DPYD: variants seen among roughly 807,000 people sequenced by gnomAD.
DPYD encodes the protein dihydropyrimidine dehydrogenase.
DPYD carries 109 observed loss-of-function variants against 116.2 expected under a neutral mutation model. That is an observed-to-expected ratio of 0.94 (90% CI 0.80 to 1.10). DPYD has a LOEUF of 1.10. Ranked by LOEUF, DPYD falls within the 50% of genes least tolerant of loss-of-function variation. The probability of loss-of-function intolerance (pLI) is 0.00; values close to 1 mark genes in which losing one functional copy is unlikely to be tolerated. For missense variants in DPYD, 1,302 were observed against 1,254.5 expected (o/e 1.04, Z -0.57); for synonymous variants, 440 against 432.0 (o/e 1.02, Z -0.23).
chr1:97,861,577 A>C (rs75641275), intron 2 of DPYD, among the ~76,000 whole-genome samples: 15,959 of 151,958 alleles, frequency 0.11, 1,120 homozygotes, highest in Non-Finnish European at 0.14. Context: ...AATAATAAAA[A>C]GACAATATAA....
chr1:97,193,887 T>C (rs1658563988), intron 19 of DPYD, among the ~76,000 whole-genome samples: 2 of 152,206 alleles, frequency 1.3e-5, no homozygotes, highest in Admixed American at 6.5e-5. Context: ...CATGGCTAAC[T>C]ACCAACCATT....
chr1:97,775,729 C>A (rs1666365769), intron 3 of DPYD, among the ~76,000 whole-genome samples: 1 of 152,054 alleles, frequency 6.6e-6, no homozygotes, highest in African/African-American at 2.4e-5. Flanking sequence ...TTTGTGAGAG[C>A]AGGTGCAATG....
intron 3 of DPYD, among the ~76,000 whole-genome samples, chr1:97,780,325 T>C (rs1449187427): frequency 1.3e-5 from 2 of 152,176 alleles, no homozygotes; most frequent in Admixed American, 1.3e-4. Context: ...GAGAAAAAAG[T>C]TGACAATTCA....
chr1:97,423,886 T>A (rs1674721705), intron 14 of DPYD, among the ~76,000 whole-genome samples: 1 of 152,254 alleles, frequency 6.6e-6, no homozygotes, highest in Admixed American at 6.5e-5. Flanking sequence ...TTGTCATTCA[T>A]CTTTCCACTA....
intron 13 of DPYD, among the ~76,000 whole-genome samples, chr1:97,480,911 C>T (rs756796919): frequency 1.3e-5 from 2 of 151,828 alleles, no homozygotes; most frequent in Non-Finnish European, 2.9e-5. Context: ...ACCCAGGAGG[C>T]GGAGGTTGCA....
At chr1:97,117,385 T>C (rs983257945) in intron 20 of DPYD, among the ~76,000 whole-genome samples, 1 of 152,202 alleles carries the variant, frequency 6.6e-6, no homozygotes, top group African/African-American at 2.4e-5. Flanking sequence ...CAGAACCATA[T>C]GCTAAAGCAA....
chr1:97,350,751 A>T (rs1670095271), intron 16 of DPYD, among the ~76,000 whole-genome samples: 1 of 152,198 alleles, frequency 6.6e-6, no homozygotes. Flanking sequence ...TTTAAAATGT[A>T]ATCATTTACC....
At chr1:97,583,765 T>TA (rs1557816360) in intron 10 of DPYD, among the ~76,000 whole-genome samples, 1 of 147,876 alleles carries the variant, frequency 6.8e-6, no homozygotes, top group African/African-American at 2.7e-5. Flanking sequence ...TGACGCAATA[T>TA]TTTTTTTAAC....
chr1:97,407,077 A>G (rs925809391), intron 14 of DPYD, among the ~76,000 whole-genome samples: 1 of 152,186 alleles, frequency 6.6e-6, no homozygotes, highest in African/African-American at 2.4e-5. Flanking sequence ...TTCCTTTCAG[A>G]GGCTTTAACA....
intron 18 of DPYD, among the ~76,000 whole-genome samples, chr1:97,290,303 A>T (rs1666049354): frequency 6.6e-6 from 1 of 152,000 alleles, no homozygotes; most frequent in Non-Finnish European, 1.5e-5. Flanking sequence ...TCAAGCTACC[A>T]ATGACTTTCT....
intron 15 of DPYD, among the ~76,000 whole-genome samples, chr1:97,375,139 G>A (rs1023592801): frequency 2.0e-5 from 3 of 151,860 alleles, no homozygotes; most frequent in Non-Finnish European, 4.4e-5. Context: ...TTCCAGTGCC[G>A]CGGTTTATTT....
At chr1:97,629,006 C>A (rs1657099917) in intron 8 of DPYD, among the ~76,000 whole-genome samples, 1 of 152,066 alleles carries the variant, frequency 6.6e-6, no homozygotes, top group Non-Finnish European at 1.5e-5. Context: ...TATGATTTAA[C>A]ATGTGCAGCA....
At chr1:97,400,392 A>T (rs1463051604) in intron 14 of DPYD, among the ~76,000 whole-genome samples, 1 of 152,070 alleles carries the variant, frequency 6.6e-6, no homozygotes, top group African/African-American at 2.4e-5. Flanking sequence ...TTCATCACGG[A>T]TATTGGTCTA....
intron 3 of DPYD, among the ~76,000 whole-genome samples, chr1:97,763,448 T>C (rs1291852740): frequency 2.0e-5 from 3 of 151,948 alleles, no homozygotes; most frequent in Non-Finnish European, 2.9e-5. Context: ...TCATTCCCTT[T>C]AGTTTTCTTC....
chr1:97,337,944 C>G (rs1274428296), intron 16 of DPYD, among the ~76,000 whole-genome samples: 1 of 152,156 alleles, frequency 6.6e-6, no homozygotes, highest in Non-Finnish European at 1.5e-5. Context: ...GCCACTAAAT[C>G]TCCCAGGCAG....
chr1:97,386,761 A>G (rs1388025774), intron 14 of DPYD, among the ~76,000 whole-genome samples: 1 of 152,158 alleles, frequency 6.6e-6, no homozygotes, highest in African/African-American at 2.4e-5. Context: ...ATGTGGTAGC[A>G]TTCTATTTCT....
intron 4 of DPYD, among the ~76,000 whole-genome samples, chr1:97,724,357 T>C (rs1254522471): frequency 7.3e-6 from 1 of 136,438 alleles, no homozygotes; most frequent in African/African-American, 2.9e-5. Flanking sequence ...TGTGTGTGTG[T>C]GTGTGTGTAT....
At chr1:97,904,862 C>T (rs1360445197) in intron 1 of DPYD, among the ~76,000 whole-genome samples, 1 of 151,948 alleles carries the variant, frequency 6.6e-6, no homozygotes, top group Non-Finnish European at 1.5e-5. Flanking sequence ...TACTCCCTTA[C>T]AGTTTGTACT....
intron 1 of DPYD, among the ~76,000 whole-genome samples, chr1:97,911,614 T>C (rs924786040): frequency 4.6e-5 from 7 of 152,044 alleles, no homozygotes; most frequent in Non-Finnish European, 1.0e-4. Flanking sequence ...TACACACACA[T>C]GCTAGTGCAT....
Sources: allele counts gnomAD v4.1 joint callset (sites outside exome capture counted in the v4.1 genomes callset), GRCh38; gene constraint gnomAD v4.1.1; transcripts MANE v1.5; gene names NCBI Gene and HGNC (gene_info 2026-07-23, HGNC 2026-07-21).